The following CDH4 variants were observed in gnomAD, a reference collection of about 807,000 sequenced individuals.
CDH4 encodes the protein cadherin-4.
In CDH4, 33 loss-of-function variants were observed where a neutral mutation model predicts 86.0. The ratio of observed to expected loss-of-function variants is 0.38; its 90% CI spans 0.29 to 0.51. The LOEUF (loss-of-function observed/expected upper bound fraction) is 0.51. Ranked by LOEUF, CDH4 falls within the 20% of genes least tolerant of loss-of-function variation. The pLI, the probability that CDH4 is intolerant of heterozygous loss-of-function variation, is 0.86. For synonymous variants in CDH4, 555 were observed against 549.4 expected, an observed-to-expected ratio of 1.01 and a Z score of -0.14; for missense variants, 1,114 against 1,307.4, an observed-to-expected ratio of 0.85 and a Z score of 2.28.
At chr20:61,723,160 T>A (rs904765244) in intron 2 of CDH4, among the ~76,000 whole-genome samples, 1 of 152,150 alleles carries the variant, frequency 6.6e-6, no homozygotes, top group Non-Finnish European at 1.5e-5. Context: ...GAGTCCTTGT[T>A]TTTCCCGAAG....
chr20:61,936,877 C>T lies in CDH4; in HGVS notation c.2685C>T (p.Tyr895=), dbSNP rs768799772. 9 of 1,605,916 alleles carry T rather than the reference C, an allele frequency of 5.6e-6. No individual in the cohort carries two copies. In the South Asian group the frequency reaches 8.9e-5, roughly 16 times the overall value. The change falls in exon 16 of 16, where the codon TAC becomes TAT. Residue 895 remains tyrosine (Y), a synonymous_variant. Coordinates refer to ENST00000614565, the MANE Select transcript of CDH4 (RefSeq NM_001794.5). ...GTTCCGGGGACCAAGACTACGATTA[C>T]CTCAACGACTGGGGGCCCAGATTCA... ...SSSSGDQDYD[Y]LNDWGPRFKK... is the part of the protein sequence containing the mutation.
At chr20:61,447,904 G>A (rs1027614338) in intron 2 of CDH4, among the ~76,000 whole-genome samples, 1 of 151,882 alleles carries the variant, frequency 6.6e-6, no homozygotes, top group Non-Finnish European at 1.5e-5. Context: ...ACTTTCCCCA[G>A]AATTCTCCCT....
chr20:61,552,122 T>C (rs953016050), intron 2 of CDH4, among the ~76,000 whole-genome samples: 6 of 152,168 alleles, frequency 3.9e-5, no homozygotes, highest in Non-Finnish European at 8.8e-5. Context: ...AAAAAATAAA[T>C]AAACAGTGGA....
At chr20:61,451,192 A>G (rs577247642) in intron 2 of CDH4, among the ~76,000 whole-genome samples, 3 of 146,674 alleles carry the variant, frequency 2.0e-5, no homozygotes, top group East Asian at 2.0e-4. Context: ...GAGTAACTCT[A>G]TGATAGAGAG....
chr20:61,539,773 AG>A (rs1317151484), intron 2 of CDH4, among the ~76,000 whole-genome samples: 4 of 152,354 alleles, frequency 2.6e-5, no homozygotes, highest in African/African-American at 9.6e-5. Context: ...GAGAGGGAGC[AG>A]AGCAGGGACA....
chr20:61,444,575 GTCTGTGTGTATA>G (rs1177536248), intron 2 of CDH4, among the ~76,000 whole-genome samples: 7 of 151,792 alleles, frequency 4.6e-5, no homozygotes, highest in Non-Finnish European at 8.8e-5. Context: ...GTACATCTGT[GTCTGTGTGTATA>G]TCTGTGTGTA....
intron 2 of CDH4, among the ~76,000 whole-genome samples, chr20:61,577,258 A>G (rs750754177): frequency 4.1e-5 from 6 of 145,308 alleles, no homozygotes; most frequent in Non-Finnish European, 7.4e-5. Flanking sequence ...GTGTATGTGT[A>G]TTGAAGGATG....
At chr20:61,731,892 T>TA (rs2088194424) in intron 2 of CDH4, among the ~76,000 whole-genome samples, 1 of 152,160 alleles carries the variant, frequency 6.6e-6, no homozygotes, top group Non-Finnish European at 1.5e-5. Flanking sequence ...GTGTGTCCCC[T>TA]GGGATGAGCA....
At chr20:61,566,753 C>G (rs1017602840) in intron 2 of CDH4, among the ~76,000 whole-genome samples, 5 of 152,190 alleles carry the variant, frequency 3.3e-5, no homozygotes, top group Admixed American at 3.3e-4. Context: ...GCCCAAAGAA[C>G]TGAGCAGGGC....
At chr20:61,722,805 TG>T (rs1271599951) in intron 2 of CDH4, among the ~76,000 whole-genome samples, 8 of 152,280 alleles carry the variant, frequency 5.3e-5, no homozygotes, top group Middle Eastern at 3.4e-3. Context: ...AGAAATTTTG[TG>T]GGGGTCCCGT....
At chr20:61,704,548 G>A (rs535253792) in intron 2 of CDH4, among the ~76,000 whole-genome samples, 1 of 152,332 alleles carries the variant, frequency 6.6e-6, no homozygotes, top group African/African-American at 2.4e-5. Flanking sequence ...TGCTTGGCAG[G>A]GGTGGTGGGA....
chr20:61,815,814 A>G (rs1297106377), intron 4 of CDH4, among the ~76,000 whole-genome samples: 1 of 152,216 alleles, frequency 6.6e-6, no homozygotes, highest in Non-Finnish European at 1.5e-5. Flanking sequence ...AATATGCCCC[A>G]GCCAGAAATG....
At chr20:61,835,901 C>A (rs1329766615) in intron 4 of CDH4, among the ~76,000 whole-genome samples, 1 of 152,192 alleles carries the variant, frequency 6.6e-6, no homozygotes, top group East Asian at 1.9e-4. Context: ...CCAGGTCAGG[C>A]AAAGGCTTCA....
chr20:61,544,928 A>G lies in CDH4; in HGVS notation c.170-198635A>G, dbSNP rs2086066759. 1.3e-5 allele frequency among the ~76,000 whole-genome samples: 2 copies of G among 152,162 alleles called. No individual in the cohort carries two copies. The highest frequency in any genetic ancestry group is 6.5e-5 in the Admixed American group (1 of 15,292). Reference sequence around the variant, plus strand: ...TGCTAGGTACAATCAAATGTATGTGATAAGTAATTAGATATCCAGGTAGAC... The same window carrying G: ...TGCTAGGTACAATCAAATGTATGTGGTAAGTAATTAGATATCCAGGTAGAC... On this transcript the variant is annotated intron_variant, in intron 2 of 15. Transcript: ENST00000614565. The surrounding 1 kb of genome is among the most constrained non-coding windows in gnomAD (Gnocchi z 6.5).
chr20:61,862,729 A>AT (rs1485786452), intron 6 of CDH4, among the ~76,000 whole-genome samples: 2 of 152,154 alleles, frequency 1.3e-5, no homozygotes, highest in Non-Finnish European at 2.9e-5. Context: ...CGTATTGATG[A>AT]TTTTTTAACT....
At chr20:61,493,154 A>C (rs1012679584) in intron 2 of CDH4, among the ~76,000 whole-genome samples, 1 of 152,192 alleles carries the variant, frequency 6.6e-6, no homozygotes, top group African/African-American at 2.4e-5. Context: ...GGACTTTTCT[A>C]TCTCTTGACT....
At chr20:61,647,556 T>TCTCTCTCTCTCTCTCCCC (rs1568731977) in intron 2 of CDH4, among the ~76,000 whole-genome samples, 1 of 105,788 alleles carries the variant, frequency 9.5e-6, no homozygotes, top group African/African-American at 3.5e-5. Context: ...CCTCTCCCTC[T>TCTCTCTCTCTCTCTCCCC]CCCTCTCCCT....
At chr20:61,450,550 G>A (rs559419812) in intron 2 of CDH4, among the ~76,000 whole-genome samples, 36 of 152,102 alleles carry the variant, frequency 2.4e-4, no homozygotes, top group Non-Finnish European at 4.1e-4. Context: ...AGATGCGAAC[G>A]GCTGCTTTGA....
In CDH4 at chr20:61,710,012, A is replaced by G. The variant is rs944251; in HGVS notation, c.170-33551A>G. Among the ~76,000 whole-genome samples, 1,107 of 152,238 alleles carry G rather than the reference A, an allele frequency of 7.3e-3. 11 individuals carry two copies. Among genetic ancestry groups the G allele is most frequent in the African/African-American group, 0.026 (1,063 of 41,534 alleles). On this transcript the variant is annotated intron_variant, in intron 2 of 15. Coordinates refer to ENST00000614565, the MANE Select transcript of CDH4 (RefSeq NM_001794.5). Reference sequence around the variant, plus strand: ...GCGAGTTTAAAACTTTGAAACAGTAACTGAGTGGGATGTTCTTCCCCTGTC... The same window carrying G: ...GCGAGTTTAAAACTTTGAAACAGTAGCTGAGTGGGATGTTCTTCCCCTGTC...
Sources: allele counts gnomAD v4.1 joint callset (sites outside exome capture counted in the v4.1 genomes callset), GRCh38; gene constraint gnomAD v4.1.1; non-coding constraint Gnocchi (gnomAD v3.1); transcripts MANE v1.5; gene names NCBI Gene and HGNC (gene_info 2026-07-23, HGNC 2026-07-21).